COPG2: variants seen among roughly 807,000 people sequenced by gnomAD.
COPG2 encodes the protein coatomer subunit gamma-2.
In COPG2, 37 loss-of-function variants were observed where a neutral mutation model predicts 46.3. The ratio of observed to expected loss-of-function variants is 0.80; its 90% CI spans 0.61 to 1.05. COPG2 has a LOEUF of 1.05. Among genes scored for constraint, COPG2 ranks in the 50% least tolerant of loss-of-function variants. COPG2 has a pLI of 0.00. For synonymous variants in COPG2, 159 were observed against 129.7 expected (o/e 1.23, Z -1.53); for missense variants, 427 against 387.8 (o/e 1.10, Z -0.85).
intron 20 of COPG2, among the ~76,000 whole-genome samples, chr7:130,519,536 AAT>A (rs1799708387): frequency 2.0e-5 from 3 of 152,332 alleles, no homozygotes; most frequent in Non-Finnish European, 4.4e-5. Context: ...GATACAGCTG[AAT>A]GAAGAAAGAA....
chr7:130,610,637 A>G, intron 9 of COPG2: 4 of 554,436 alleles, frequency 7.2e-6, no homozygotes, highest in Admixed American at 1.9e-5. Context: ...TAAAAATAAA[A>G]GGGATAGGAT....
intron 5 of COPG2, among the ~76,000 whole-genome samples, chr7:130,617,567 C>T (rs1441207669): frequency 6.6e-6 from 1 of 152,214 alleles, no homozygotes. Context: ...TTCTGCTGAG[C>T]TTCAAAAACA....
At chr7:130,560,892 C>T (rs1161859458) in intron 12 of COPG2, 141 bp downstream of exon 12, 1 of 394,996 alleles carries the variant, frequency 2.5e-6, no homozygotes. Flanking sequence ...TCTTAGGGAA[C>T]AGTAATAACT....
intron 20 of COPG2, among the ~76,000 whole-genome samples, chr7:130,522,937 G>A (rs2116348254): frequency 6.6e-6 from 1 of 151,450 alleles, no homozygotes; most frequent in South Asian, 2.1e-4. Flanking sequence ...GGCCAACATG[G>A]CGAAACCCTG....
At chr7:130,553,006 A>G (rs1793557103) in intron 14 of COPG2, among the ~76,000 whole-genome samples, 1 of 152,232 alleles carries the variant, frequency 6.6e-6, no homozygotes, top group Non-Finnish European at 1.5e-5. Flanking sequence ...CTAAATCCGA[A>G]TTGGTGGTGG....
At chr7:130,555,815 G>A (rs1285106493) in intron 12 of COPG2, among the ~76,000 whole-genome samples, 2 of 152,052 alleles carry the variant, frequency 1.3e-5, no homozygotes, top group African/African-American at 4.8e-5. Context: ...GGGTGACAGA[G>A]AGAGACTCTG....
intron 9 of COPG2, among the ~76,000 whole-genome samples, chr7:130,568,691 T>C (rs1443355505): frequency 6.6e-6 from 1 of 152,172 alleles, no homozygotes; most frequent in South Asian, 2.1e-4. Flanking sequence ...GGACTTAAAC[T>C]ATACCCTACA....
At chr7:130,607,993 C>T (rs535288455) in intron 9 of COPG2, among the ~76,000 whole-genome samples, 1 of 152,114 alleles carries the variant, frequency 6.6e-6, no homozygotes, top group Non-Finnish European at 1.5e-5. Context: ...GTACTAATGT[C>T]AATTATTATT....
At chr7:130,645,672 C>A in intron 5 of COPG2, 1 of 158,974 alleles carries the variant, frequency 6.3e-6, no homozygotes, top group Non-Finnish European at 1.4e-5. Flanking sequence ...AAGAAAGAAG[C>A]CAGATAAGAA....
At chr7:130,613,047 A>G (rs1480771478) in intron 7 of COPG2, among the ~76,000 whole-genome samples, 5 of 152,164 alleles carry the variant, frequency 3.3e-5, no homozygotes, top group Admixed American at 2.6e-4. Flanking sequence ...TAATTGCTCA[A>G]TGATCCTATA....
intron 12 of COPG2, 67 bp from the exon 13 acceptor site, chr7:130,555,199 GAGAAA>G: frequency 2.5e-6 from 1 of 395,148 alleles, no homozygotes; most frequent in Middle Eastern, 6.4e-4. Context: ...AAAGCAAACA[GAGAAA>G]AGACATTCAT....
chr7:130,528,444 T>C (rs1192788864), intron 20 of COPG2, among the ~76,000 whole-genome samples: 2 of 151,798 alleles, frequency 1.3e-5, no homozygotes, highest in African/African-American at 4.8e-5. Flanking sequence ...GTGGATTCAG[T>C]GCAGTACGTG....
intron 9 of COPG2, among the ~76,000 whole-genome samples, chr7:130,595,487 A>T (rs951986412): frequency 1.4e-4 from 22 of 152,234 alleles, no homozygotes; most frequent in African/African-American, 5.1e-4. Context: ...ATACTTTTAA[A>T]AGGTGAGTTT....
At chr7:130,558,240 C>G (rs1223302229) in intron 12 of COPG2, among the ~76,000 whole-genome samples, 1 of 152,022 alleles carries the variant, frequency 6.6e-6, no homozygotes, top group Non-Finnish European at 1.5e-5. Flanking sequence ...TGGGAGGTGA[C>G]TGGATCATGG....
At chr7:130,540,764 T>A (rs1799927464) in intron 20 of COPG2, among the ~76,000 whole-genome samples, 1 of 151,530 alleles carries the variant, frequency 6.6e-6, no homozygotes, top group Non-Finnish European at 1.5e-5. Context: ...TGTCAGGGAG[T>A]CAAGGTGGCC....
At chr7:130,667,656 T>C (rs1796115188) in intron 1 of COPG2, 122 bp from the exon 2 acceptor site, 2 of 672,878 alleles carry the variant, frequency 3.0e-6, no homozygotes, top group Non-Finnish European at 2.5e-6. Flanking sequence ...GTGATAATCA[T>C]GGCTAATACG....
chr7:130,575,385 T>C (rs1793984031), intron 9 of COPG2, among the ~76,000 whole-genome samples: 1 of 152,142 alleles, frequency 6.6e-6, no homozygotes, highest in Admixed American at 6.5e-5. Flanking sequence ...CTAGAAGGGA[T>C]TGGGTCCTAT....
intron 9 of COPG2, chr7:130,603,054 C>T (rs1554450608): frequency 6.6e-6 from 1 of 152,176 alleles, no homozygotes; most frequent in African/African-American, 2.4e-5. Flanking sequence ...CCAGCTAAGA[C>T]ATTCCCAAAC....
At chr7:130,627,773 G>A (rs1795143575) in intron 5 of COPG2, among the ~76,000 whole-genome samples, 1 of 139,134 alleles carries the variant, frequency 7.2e-6, no homozygotes, top group Non-Finnish European at 1.6e-5. Context: ...GATGCGGGGG[G>A]TGGGGGGTGT....
Sources: gnomAD v4.1 joint callset for allele counts (sites outside exome capture counted in the v4.1 genomes callset) on GRCh38, gnomAD v4.1.1 for gene constraint, MANE v1.5 for transcripts, NCBI Gene and HGNC (gene_info 2026-07-23, HGNC 2026-07-21) for gene names.